GSG1L: variants seen among roughly 807,000 people sequenced by gnomAD.
The protein encoded by GSG1L is GSG1 like, also known as germ cell-specific gene 1-like protein.
GSG1L carries 24 observed loss-of-function variants against 42.1 expected under a neutral mutation model. The observed-to-expected ratio is 0.57, with a 90% CI of 0.41 to 0.80. The LOEUF is 0.80. Among genes scored for constraint, GSG1L ranks in the 30% least tolerant of loss-of-function variants. The probability of loss-of-function intolerance (pLI) is 0.00; values close to 1 mark genes in which losing one functional copy is unlikely to be tolerated. For missense variants in GSG1L, 445 were observed against 472.2 expected (o/e 0.94, Z 0.53); for synonymous variants, 215 against 203.5 (o/e 1.06, Z -0.48).
chr16:28,019,069 G>A (rs1242853702), intron 1 of GSG1L, among the ~76,000 whole-genome samples: 1 of 152,152 alleles, frequency 6.6e-6, no homozygotes, highest in Non-Finnish European at 1.5e-5. Flanking sequence ...TGTGTCAGAG[G>A]CGTTTGAACC....
intron 1 of GSG1L, among the ~76,000 whole-genome samples, chr16:27,986,523 G>C (rs903639594): frequency 3.1e-4 from 44 of 141,852 alleles, no homozygotes; most frequent in Non-Finnish European, 6.3e-4. Flanking sequence ...AAAAAAAAAA[G>C]ATAGAAAAGT....
intron 2 of GSG1L, among the ~76,000 whole-genome samples, chr16:27,957,084 C>T (rs1343486428): frequency 6.6e-6 from 1 of 152,188 alleles, no homozygotes; most frequent in African/African-American, 2.4e-5. Flanking sequence ...TGCGGTGGCT[C>T]ATGCCTGTAA....
intron 1 of GSG1L, among the ~76,000 whole-genome samples, chr16:28,048,585 C>G (rs1209591435): frequency 6.6e-6 from 1 of 152,054 alleles, no homozygotes; most frequent in Non-Finnish European, 1.5e-5. Flanking sequence ...TTTTAACGTT[C>G]TACTAAATTA....
intron 2 of GSG1L, among the ~76,000 whole-genome samples, chr16:27,947,678 G>A (rs2084900351): frequency 6.6e-6 from 1 of 152,176 alleles, no homozygotes; most frequent in Non-Finnish European, 1.5e-5. Context: ...CTCAGTGAGT[G>A]CTTACTGTAT....
At chr16:28,009,447 T>C (rs1357020224) in intron 1 of GSG1L, among the ~76,000 whole-genome samples, 2 of 152,156 alleles carry the variant, frequency 1.3e-5, no homozygotes, top group Admixed American at 1.3e-4. Flanking sequence ...ACACATGCAT[T>C]TGTGTGTGTG....
At chr16:27,898,423 AG>A (rs778457935) in intron 2 of GSG1L, among the ~76,000 whole-genome samples, 1 of 145,578 alleles carries the variant, frequency 6.9e-6, no homozygotes, top group Non-Finnish European at 1.5e-5. Context: ...CATCTCTAAA[AG>A]GGGGCTGCTG....
chr16:27,809,339 G>C (rs62031097), intron 5 of GSG1L, among the ~76,000 whole-genome samples: 20,822 of 152,074 alleles, frequency 0.14, 1,819 homozygotes, highest in Middle Eastern at 0.21. Flanking sequence ...GGAGATCAAG[G>C]CTGCAGTGAG....
intron 2 of GSG1L, among the ~76,000 whole-genome samples, chr16:27,910,170 C>G (rs1455501108): frequency 6.7e-6 from 1 of 149,312 alleles, no homozygotes; most frequent in Non-Finnish European, 1.5e-5. Flanking sequence ...ACCATGTTGG[C>G]CAGGCTGTGC....
At chr16:27,873,307 TA>T (rs964046691) in intron 3 of GSG1L, among the ~76,000 whole-genome samples, 3 of 152,252 alleles carry the variant, frequency 2.0e-5, no homozygotes, top group African/African-American at 7.2e-5. Flanking sequence ...TGAGGCTATT[TA>T]CTATCTTGAT....
intron 1 of GSG1L, among the ~76,000 whole-genome samples, chr16:27,980,271 A>G (rs1433840532): frequency 6.6e-6 from 1 of 152,052 alleles, no homozygotes; most frequent in Non-Finnish European, 1.5e-5. Flanking sequence ...AGACAGGGGG[A>G]AGGGGTCACT....
At chr16:27,949,599 G>A (rs368693240) in intron 2 of GSG1L, among the ~76,000 whole-genome samples, 38 of 152,190 alleles carry the variant, frequency 2.5e-4, no homozygotes, top group African/African-American at 5.8e-4. Flanking sequence ...CAGCCTGGAC[G>A]ATAGAGTGAG....
At chr16:27,975,356 A>C (rs1456224481) in intron 1 of GSG1L, among the ~76,000 whole-genome samples, 3 of 151,696 alleles carry the variant, frequency 2.0e-5, no homozygotes, top group Non-Finnish European at 4.4e-5. Flanking sequence ...GGAGGGGTGG[A>C]TGGAGAACAG....
intron 1 of GSG1L, among the ~76,000 whole-genome samples, chr16:28,005,712 G>A (rs1176934446): frequency 1.3e-5 from 2 of 152,086 alleles, no homozygotes; most frequent in Non-Finnish European, 2.9e-5. Context: ...TCCTAAAATA[G>A]GCATAATAAT....
At chr16:27,976,611 G>T (rs2085253261) in intron 1 of GSG1L, among the ~76,000 whole-genome samples, 1 of 152,202 alleles carries the variant, frequency 6.6e-6, no homozygotes. Context: ...AAGAGCTGAG[G>T]GCTCCAACAG....
At chr16:28,004,616 C>T (rs1278591496) in intron 1 of GSG1L, among the ~76,000 whole-genome samples, 1 of 151,274 alleles carries the variant, frequency 6.6e-6, no homozygotes, top group Non-Finnish European at 1.5e-5. Flanking sequence ...CCCATCTCTA[C>T]AAAAAACAAA....
At chr16:27,909,255 T>A (rs984868539) in intron 2 of GSG1L, among the ~76,000 whole-genome samples, 2 of 152,166 alleles carry the variant, frequency 1.3e-5, no homozygotes, top group Non-Finnish European at 2.9e-5. Context: ...GCCCCAGAAG[T>A]CAGGACCCAC....
intron 2 of GSG1L, among the ~76,000 whole-genome samples, chr16:27,922,471 C>T (rs896485946): frequency 6.6e-6 from 1 of 152,156 alleles, no homozygotes; most frequent in East Asian, 1.9e-4. Flanking sequence ...AGATCACCCC[C>T]GACCCGATCG....
chr16:27,951,254 G>A (rs1186090383), intron 2 of GSG1L, among the ~76,000 whole-genome samples: 2 of 152,190 alleles, frequency 1.3e-5, no homozygotes, highest in Admixed American at 1.3e-4. Context: ...ATGGAGCAGG[G>A]CCATTCAGAT....
intron 3 of GSG1L, among the ~76,000 whole-genome samples, chr16:27,873,656 T>C (rs1005097386): frequency 8.5e-5 from 13 of 152,194 alleles, no homozygotes; most frequent in Non-Finnish European, 1.6e-4. Flanking sequence ...ATAAATCTTC[T>C]ACCAGCCCAG....
Sources: allele counts gnomAD v4.1 joint callset (sites outside exome capture counted in the v4.1 genomes callset), GRCh38; gene constraint gnomAD v4.1.1; transcripts MANE v1.5; gene names NCBI Gene and HGNC (gene_info 2026-07-23, HGNC 2026-07-21).